Variants in MTUS1 observed in about 807,000 individuals in gnomAD.
The protein encoded by MTUS1 is microtubule associated scaffold protein 1, also known as microtubule-associated tumor suppressor 1.
MTUS1 carries 109 observed loss-of-function variants against 120.8 expected under a neutral mutation model. That is an observed-to-expected ratio of 0.90 (90% CI 0.77 to 1.06). MTUS1 has a LOEUF of 1.06. MTUS1 is among the 50% of genes least tolerant of loss of function. MTUS1 has a pLI of 0.00. For synonymous variants in MTUS1, 737 were observed against 550.5 expected, an observed-to-expected ratio of 1.34 and a Z score of -4.74; for missense variants, 2,210 against 1,486.3, an observed-to-expected ratio of 1.49 and a Z score of -8.01.
chr8:17,656,004 A>C lies in MTUS1; in HGVS notation c.2967T>G (p.Tyr989Ter). 1.9e-6 allele frequency: 3 copies of C among 1,614,234 alleles called. No individual in the cohort carries two copies. The highest frequency in any genetic ancestry group is 2.5e-6 in the Non-Finnish European group (3 of 1,180,052). ...CCTGGTGCTGCTGGACGAATGCTTC[A>C]TACACTGTTTGTAACTCATTCCTGG... is the stretch of plus-strand genomic sequence containing the variant. ...EKARNELQTV[Y>*]EAFVQQHQAE... Residue 989 changes from tyrosine to a stop codon, truncating the protein, a stop_gained, in exon 9 of 15, where the codon TAT becomes TAG. Transcript: ENST00000693296. LOFTEE classifies it high-confidence loss of function.
At position 17,736,033 on chromosome 8, in the gene MTUS1, G is replaced by A. The variant is rs180857753; in HGVS notation, c.2287+7571C>T. On this transcript the variant is annotated intron_variant, in intron 3 of 14. Coordinates refer to ENST00000693296, the MANE Select transcript of MTUS1 (RefSeq NM_001363059.2). ...TCCAACCAGTAAGCTCCTTAAGAGG[G>A]CATATTTGCTTAATCCTGTTTGTAG... Among the ~76,000 whole-genome samples the A allele has an allele frequency of 4.6e-5, 7 of 152,232 alleles. No individual in the cohort carries two copies. The East Asian group carries it at 1.4e-3, about 29-fold the overall frequency.
intron 9 of MTUS1, 23 bp downstream of exon 9, chr8:17,655,840 G>A (rs1808090818): frequency 1.2e-6 from 2 of 1,611,462 alleles, no homozygotes; most frequent in East Asian, 4.5e-5. Context: ...CCTCAGACAA[G>A]CTCTGGCTGC....
At chr8:17,678,216 T>C (rs116397138) in intron 7 of MTUS1, among the ~76,000 whole-genome samples, 3 of 152,200 alleles carry the variant, frequency 2.0e-5, no homozygotes, top group African/African-American at 7.2e-5. Context: ...AAATGCATTA[T>C]GTCCTTTAGA....
chr8:17,666,456 T>C (rs944989372), intron 8 of MTUS1, among the ~76,000 whole-genome samples: 1 of 152,142 alleles, frequency 6.6e-6, no homozygotes, highest in African/African-American at 2.4e-5. Context: ...AGTTACTTCA[T>C]ATTATTCTTA....
chr8:17,793,504 C>A (rs1320685646), intron 1 of MTUS1, among the ~76,000 whole-genome samples: 1 of 152,108 alleles, frequency 6.6e-6, no homozygotes, highest in African/African-American at 2.4e-5. Context: ...TTCAAATTCC[C>A]ATGCCATCAG....
chr8:17,705,465 TAAA>T (rs939642884), intron 6 of MTUS1, among the ~76,000 whole-genome samples: 2 of 152,232 alleles, frequency 1.3e-5, no homozygotes, highest in Non-Finnish European at 2.9e-5. Flanking sequence ...TAGCTCCTGC[TAAA>T]AAGGTAGTCA....
Position 17,743,635 on chromosome 8 carries a change from A to C in MTUS1, c.2256T>G (p.Ser752=). ...TGGACACACGCCTGATCCTCTGAGG[A>C]GATACGGCTCGATCAGCACTGGGAT... is the stretch of plus-strand genomic sequence containing the variant. ...NRNPSADRAV[S]PQRIRRVSSS... The change falls in exon 3 of 15, where the codon TCT becomes TCG. Residue 752 remains serine, a synonymous_variant. Transcript: ENST00000693296. 1.2e-6 allele frequency: 2 copies of C among 1,614,154 alleles called. No homozygotes were observed. Among genetic ancestry groups the C allele is most frequent in the Non-Finnish European group, 1.7e-6 (2 of 1,180,018 alleles).
chr8:17,741,014 T>C (rs1487853913), intron 3 of MTUS1, among the ~76,000 whole-genome samples: 3 of 152,122 alleles, frequency 2.0e-5, no homozygotes, highest in Non-Finnish European at 2.9e-5. Flanking sequence ...TACAGTCACC[T>C]GCCACCACCC....
intron 3 of MTUS1, among the ~76,000 whole-genome samples, chr8:17,742,446 G>C (rs2047410408): frequency 6.6e-6 from 1 of 151,798 alleles, no homozygotes; most frequent in Admixed American, 6.6e-5. Context: ...CTCATGCCTT[G>C]ACTCCCCAGG....
intron 1 of MTUS1, among the ~76,000 whole-genome samples, chr8:17,800,395 C>A (rs2052587361): frequency 6.6e-6 from 1 of 152,198 alleles, no homozygotes; most frequent in Non-Finnish European, 1.5e-5. Context: ...ACACTGACTA[C>A]TTCAAACAAA....
chr8:17,662,448 C>T (rs887081639), intron 8 of MTUS1, among the ~76,000 whole-genome samples: 5 of 149,806 alleles, frequency 3.3e-5, no homozygotes, highest in Non-Finnish European at 5.9e-5. Context: ...CTCCACCTCC[C>T]GGGTTCATGC....
At chr8:17,706,620 T>C (rs1156794134) in intron 6 of MTUS1, among the ~76,000 whole-genome samples, 1 of 152,190 alleles carries the variant, frequency 6.6e-6, no homozygotes, top group African/African-American at 2.4e-5. Context: ...TGGAAAACAA[T>C]TTGGCTATTT....
chr8:17,653,672 G>T, intron 10 of MTUS1, 174 bp from the exon 11 acceptor site: 1 of 556,140 alleles, frequency 1.8e-6, no homozygotes, highest in Admixed American at 3.7e-5. Flanking sequence ...GGCCTTGAGA[G>T]GTGGTTAGGG....
At chr8:17,777,775 C>G (rs192175977) in intron 1 of MTUS1, among the ~76,000 whole-genome samples, 1 of 152,092 alleles carries the variant, frequency 6.6e-6, no homozygotes, top group African/African-American at 2.4e-5. Flanking sequence ...AGAAAACTAT[C>G]GTCAGAAATT....
At chr8:17,710,251 G>T (rs957261042) in intron 6 of MTUS1, among the ~76,000 whole-genome samples, 1 of 152,094 alleles carries the variant, frequency 6.6e-6, no homozygotes, top group Non-Finnish European at 1.5e-5. Context: ...TTTGTAGCAC[G>T]TGATGCTGTT....
chr8:17,690,403 T>C (rs1194329277), intron 6 of MTUS1, among the ~76,000 whole-genome samples: 1 of 152,152 alleles, frequency 6.6e-6, no homozygotes, highest in Non-Finnish European at 1.5e-5. Flanking sequence ...GGCAAAGATG[T>C]GGAGAGAAGG....
chr8:17,724,831 C>T (rs1032422397), intron 3 of MTUS1, among the ~76,000 whole-genome samples: 6 of 152,332 alleles, frequency 3.9e-5, no homozygotes, highest in South Asian at 4.1e-4. Flanking sequence ...TATCTTCCTT[C>T]TGAATCTCAA....
At chr8:17,800,834 G>A (rs2052627288) in intron 1 of MTUS1, 1 of 152,386 alleles carries the variant, frequency 6.6e-6, no homozygotes, top group African/African-American at 2.4e-5. Context: ...TGACAGCGAC[G>A]AGATCCGCAT....
intron 6 of MTUS1, among the ~76,000 whole-genome samples, chr8:17,698,227 A>G (rs454100): frequency 0.24 from 36,969 of 152,118 alleles, 4,804 homozygotes; most frequent in East Asian, 0.45. Flanking sequence ...CATTTATTGC[A>G]TGAGTAATTG....
Sources: allele counts gnomAD v4.1 joint callset (sites outside exome capture counted in the v4.1 genomes callset), GRCh38; gene constraint gnomAD v4.1.1; transcripts MANE v1.5; gene names NCBI Gene and HGNC (gene_info 2026-07-23, HGNC 2026-07-21).